SGCZ: variants seen among roughly 807,000 people sequenced by gnomAD.
SGCZ encodes the protein sarcoglycan zeta.
Under a neutral mutation model 41.3 loss-of-function variants are expected in SGCZ, and 40 were observed. The ratio of observed to expected loss-of-function variants is 0.97; its 90% CI spans 0.75 to 1.26. The LOEUF (loss-of-function observed/expected upper bound fraction) is 1.26. Ranked by LOEUF, SGCZ falls within the 50% of genes most tolerant of loss-of-function variation. The probability of loss-of-function intolerance (pLI) is 0.00; values close to 1 mark genes in which losing one functional copy is unlikely to be tolerated. For missense variants in SGCZ, 552 were observed against 369.8 expected (o/e 1.49, Z -4.04); for synonymous variants, 206 against 137.5 (o/e 1.50, Z -3.49).
chr8:14,146,463 A>G (rs889621932), intron 5 of SGCZ, among the ~76,000 whole-genome samples: 2 of 152,226 alleles, frequency 1.3e-5, no homozygotes, highest in African/African-American at 4.8e-5. Context: ...CCACAAAGAA[A>G]AGGACATTAA....
At chr8:14,997,232 T>C (rs1291954727) in intron 1 of SGCZ, among the ~76,000 whole-genome samples, 9 of 152,224 alleles carry the variant, frequency 5.9e-5, no homozygotes, top group African/African-American at 2.2e-4. Context: ...TATTCGATTC[T>C]AGGTTCCTTT....
intron 2 of SGCZ, among the ~76,000 whole-genome samples, chr8:14,503,544 C>T (rs899226676): frequency 1.2e-4 from 18 of 152,000 alleles, no homozygotes; most frequent in African/African-American, 4.1e-4. Context: ...TTGAGGCAGG[C>T]AAATCATGAG....
intron 1 of SGCZ, among the ~76,000 whole-genome samples, chr8:15,080,693 C>A (rs1805711486): frequency 6.6e-6 from 1 of 152,068 alleles, no homozygotes; most frequent in Non-Finnish European, 1.5e-5. Context: ...GGGGTTCAAG[C>A]GATTGTGCTG....
intron 1 of SGCZ, among the ~76,000 whole-genome samples, chr8:14,610,281 C>A (rs1395770778): frequency 6.6e-6 from 1 of 152,146 alleles, no homozygotes; most frequent in Admixed American, 6.5e-5. Context: ...CCCTTTTCTC[C>A]CTGAAAACAG....
intron 1 of SGCZ, among the ~76,000 whole-genome samples, chr8:15,072,437 C>T (rs1805390253): frequency 6.6e-6 from 1 of 152,194 alleles, no homozygotes; most frequent in Non-Finnish European, 1.5e-5. Context: ...CCATTAATTT[C>T]ATCCTAGTGG....
intron 1 of SGCZ, among the ~76,000 whole-genome samples, chr8:14,822,852 G>A (rs1407052057): frequency 2.0e-5 from 3 of 151,974 alleles, no homozygotes; most frequent in Non-Finnish European, 4.4e-5. Flanking sequence ...AGCGCAGCTC[G>A]TGACCAGCGT....
chr8:14,123,954 G>C (rs573639065), intron 5 of SGCZ, among the ~76,000 whole-genome samples: 42 of 152,256 alleles, frequency 2.8e-4, no homozygotes, highest in Non-Finnish European at 5.0e-4. Context: ...GAGACAGACA[G>C]TTGGCTAATG....
chr8:14,785,492 G>A (rs919209567), intron 1 of SGCZ, among the ~76,000 whole-genome samples: 3 of 151,812 alleles, frequency 2.0e-5, no homozygotes, highest in South Asian at 2.1e-4. Context: ...AGTGACTATC[G>A]AAAAATACCC....
At chr8:15,005,595 G>A (rs994668817) in intron 1 of SGCZ, among the ~76,000 whole-genome samples, 3 of 151,300 alleles carry the variant, frequency 2.0e-5, no homozygotes, top group Non-Finnish European at 4.4e-5. Context: ...GCCTCCCAAA[G>A]TGCTGGGATG....
At chr8:14,793,677 G>A (rs368986815) in intron 1 of SGCZ, among the ~76,000 whole-genome samples, 25 of 152,224 alleles carry the variant, frequency 1.6e-4, no homozygotes, top group African/African-American at 5.5e-4. Context: ...GATTGCAAAT[G>A]GGTAGGCATG....
At chr8:14,223,269 C>A (rs1428842429) in intron 4 of SGCZ, among the ~76,000 whole-genome samples, 1 of 152,060 alleles carries the variant, frequency 6.6e-6, no homozygotes, top group Non-Finnish European at 1.5e-5. Context: ...TTGGTGCACA[C>A]TATTAAATTT....
chr8:14,685,355 T>C (rs921699407), intron 1 of SGCZ, among the ~76,000 whole-genome samples: 2 of 152,156 alleles, frequency 1.3e-5, no homozygotes, highest in Admixed American at 6.5e-5. Flanking sequence ...TAGACAAAGA[T>C]AGAAGTCTAG....
At chr8:14,496,733 C>T (rs1801998963) in intron 2 of SGCZ, among the ~76,000 whole-genome samples, 2 of 151,998 alleles carry the variant, frequency 1.3e-5, no homozygotes, top group Admixed American at 1.3e-4. Context: ...TTTCCCTAGC[C>T]ATAGACAGGC....
At chr8:14,568,921 T>C (rs1235878202) in intron 1 of SGCZ, among the ~76,000 whole-genome samples, 3 of 152,116 alleles carry the variant, frequency 2.0e-5, no homozygotes, top group Non-Finnish European at 2.9e-5. Flanking sequence ...AGGGGCATGG[T>C]GGGAGGAAGT....
chr8:14,090,730 C>T (rs1801665177), intron 7 of SGCZ, 93 bp from the exon 8 acceptor site: 6 of 1,104,572 alleles, frequency 5.4e-6, no homozygotes, highest in Middle Eastern at 3.1e-4. Context: ...ATAAGGAAGT[C>T]GACACAACAA....
intron 5 of SGCZ, among the ~76,000 whole-genome samples, chr8:14,153,893 AGTCT>A (rs1350396243): frequency 1.4e-5 from 2 of 145,444 alleles, no homozygotes; most frequent in African/African-American, 5.3e-5. Flanking sequence ...CAGGTCGGTC[AGTCT>A]GTCTGTCTCT....
chr8:14,556,483 G>T (rs779331541), intron 1 of SGCZ, among the ~76,000 whole-genome samples: 1 of 151,812 alleles, frequency 6.6e-6, no homozygotes, highest in Non-Finnish European at 1.5e-5. Flanking sequence ...GTGATATTTG[G>T]TTACATGAGT....
intron 1 of SGCZ, among the ~76,000 whole-genome samples, chr8:14,833,446 C>T (rs1042273294): frequency 1.3e-5 from 2 of 152,140 alleles, no homozygotes; most frequent in Non-Finnish European, 2.9e-5. Flanking sequence ...TTTAGGTGAA[C>T]TTTTCTGACC....
intron 1 of SGCZ, among the ~76,000 whole-genome samples, chr8:14,788,365 CTCA>C (rs1256966108): frequency 6.6e-6 from 1 of 152,144 alleles, no homozygotes; most frequent in East Asian, 1.9e-4. Context: ...TGTTGGCTTC[CTCA>C]TTAGCCAATT....
Sources: gnomAD v4.1 joint callset for allele counts (sites outside exome capture counted in the v4.1 genomes callset) on GRCh38, gnomAD v4.1.1 for gene constraint, MANE v1.5 for transcripts, NCBI Gene and HGNC (gene_info 2026-07-23, HGNC 2026-07-21) for gene names.